The following TEAD4 variants were observed in gnomAD, a reference collection of about 807,000 sequenced individuals.
TEAD4 encodes TEA domain transcription factor 4.
Under a neutral mutation model 52.4 loss-of-function variants are expected in TEAD4, and 36 were observed. That is an observed-to-expected ratio of 0.69 (90% CI 0.53 to 0.91). The LOEUF (loss-of-function observed/expected upper bound fraction) is 0.91. Among genes scored for constraint, TEAD4 ranks in the 40% least tolerant of loss-of-function variants. The pLI, the probability that TEAD4 is intolerant of heterozygous loss-of-function variation, is 0.00. For missense variants in TEAD4, 508 were observed against 583.9 expected, an observed-to-expected ratio of 0.87 and a Z score of 1.34; for synonymous variants, 220 against 231.0, an observed-to-expected ratio of 0.95 and a Z score of 0.43.
chr12:3,025,588 G>C (rs1020515445), intron 10 of TEAD4, among the ~76,000 whole-genome samples: 3 of 151,940 alleles, frequency 2.0e-5, no homozygotes, highest in African/African-American at 7.3e-5. Flanking sequence ...CTAGGCTGGA[G>C]TGCAGTGGCG....
intron 2 of TEAD4, among the ~76,000 whole-genome samples, chr12:2,969,353 C>T (rs1031646776): frequency 2.0e-5 from 3 of 152,252 alleles, no homozygotes; most frequent in Non-Finnish European, 2.9e-5. Context: ...TGTGCAAACA[C>T]TGTACCGTTT....
rs1388295592 is a variant in TEAD4, at chr12:2,974,688, C to T, written c.-30+14648C>T. Among the ~76,000 whole-genome samples, 4 of 152,094 alleles carry T rather than the reference C, an allele frequency of 2.6e-5. No individual in the cohort carries two copies. The East Asian group carries it at 7.7e-4, about 29-fold the overall frequency. On this transcript the variant is annotated intron_variant, in intron 2 of 12. Coordinates refer to ENST00000359864, the MANE Select transcript of TEAD4 (RefSeq NM_003213.4). Reference sequence around the variant, plus strand: ...AAGGCATTCCCCGGTGTGGAGACTCCCTCTTCTGCCTGGCTCCTCCTTCTC... The same window carrying T: ...AAGGCATTCCCCGGTGTGGAGACTCTCTCTTCTGCCTGGCTCCTCCTTCTC...
In TEAD4 at chr12:2,992,016, C is replaced by CTTTTT. The variant is rs372782883; in HGVS notation, c.-29-2706_-29-2702dup. Among the ~76,000 whole-genome samples, 34 of 107,644 alleles carry CTTTTT rather than the reference C, an allele frequency of 3.2e-4. 1 individual carries two copies. The highest frequency in any genetic ancestry group is 4.3e-4 in the Non-Finnish European group (24 of 55,826). 70.6% of individuals were successfully genotyped at this position (107,644 alleles called of 152,430 possible). ...TGGGGGTTGGGGGGGGCGGTTCCTG[C>CTTTTT]TTTTTTTTTTTTTTTTTTTTGAGGC... On this transcript the variant is annotated intron_variant, in intron 2 of 12. Coordinates refer to ENST00000359864, the MANE Select transcript of TEAD4 (RefSeq NM_003213.4).
intron 10 of TEAD4, among the ~76,000 whole-genome samples, chr12:3,034,032 G>A (rs976128673): frequency 5.3e-5 from 8 of 151,380 alleles, no homozygotes; most frequent in Non-Finnish European, 1.0e-4. Flanking sequence ...CTGATTGTGG[G>A]ATCTCTCTTT....
At chr12:2,968,303 C>T (rs1477156776) in intron 2 of TEAD4, among the ~76,000 whole-genome samples, 2 of 149,592 alleles carry the variant, frequency 1.3e-5, no homozygotes, top group Non-Finnish European at 1.5e-5. Context: ...CCAGGCTGGT[C>T]TCGAACTCCC....
intron 2 of TEAD4, among the ~76,000 whole-genome samples, chr12:2,971,621 A>G (rs910623932): frequency 1.5e-4 from 23 of 148,504 alleles, no homozygotes; most frequent in South Asian, 4.3e-4. Context: ...GACTACAGGC[A>G]CCCCCCACCA....
intron 3 of TEAD4, among the ~76,000 whole-genome samples, chr12:3,002,058 C>G (rs1005662872): frequency 1.3e-5 from 2 of 152,190 alleles, no homozygotes; most frequent in African/African-American, 4.8e-5. Flanking sequence ...TGCCACTGCA[C>G]TCCATCCTGG....
intron 5 of TEAD4, among the ~76,000 whole-genome samples, chr12:3,016,151 T>G (rs755907275): frequency 6.6e-6 from 1 of 152,158 alleles, no homozygotes; most frequent in Non-Finnish European, 1.5e-5. Flanking sequence ...CCTCAGCTCC[T>G]TGAGTAGCTT....
intron 10 of TEAD4, among the ~76,000 whole-genome samples, chr12:3,023,865 GGTA>G (rs1390782276): frequency 1.3e-5 from 2 of 151,076 alleles, no homozygotes; most frequent in Admixed American, 1.3e-4. Flanking sequence ...AATCCCCAAA[GGTA>G]GTCACTGCAA....
intron 2 of TEAD4, among the ~76,000 whole-genome samples, chr12:2,962,317 TATATATATAAATATAA>T (rs1467496014): frequency 1.9e-5 from 2 of 102,568 alleles, no homozygotes; most frequent in African/African-American, 9.4e-5. Context: ...AATATATAAA[TATATATATAAATATAA>T]ATATATATAT....
Position 3,012,197 on chromosome 12 carries a change from C to A in TEAD4, c.319C>A (p.Arg107Ser). 6.2e-7 allele frequency: 1 copy of A among 1,614,082 alleles called. No individual in the cohort carries two copies. Among genetic ancestry groups the A allele is most frequent in the Non-Finnish European group, 8.5e-7 (1 of 1,179,990 alleles). Residue 107 changes from arginine (R) to serine (S), a missense_variant, in exon 5 of 13, where the codon CGT becomes AGT. Transcript: ENST00000359864. ...CTCCAGCCACATCCAGGTGCTGGCT[C>A]GTCGCAAAGCTCGCGAGATCCAGGC...
intron 5 of TEAD4, chr12:3,017,050 T>C (rs1229578495): frequency 2.1e-6 from 1 of 472,326 alleles, no homozygotes. Flanking sequence ...TATTCATGCA[T>C]CGTTTTCACA....
intron 10 of TEAD4, among the ~76,000 whole-genome samples, chr12:3,035,657 A>C (rs945333156): frequency 6.6e-6 from 1 of 152,062 alleles, no homozygotes; most frequent in African/African-American, 2.4e-5. Flanking sequence ...CTGCCTCTAC[A>C]AAAAATTTAA....
intron 3 of TEAD4, among the ~76,000 whole-genome samples, chr12:3,007,177 G>A (rs561458096): frequency 1.7e-4 from 26 of 152,320 alleles, no homozygotes; most frequent in African/African-American, 5.8e-4. Context: ...GGGTAGTTGT[G>A]GGGTGGTGGG....
At chr12:3,033,480 A>C (rs10848768) in intron 10 of TEAD4, among the ~76,000 whole-genome samples, 97,922 of 152,042 alleles carry the variant, frequency 0.64, 34,771 homozygotes, top group East Asian at 0.94. Context: ...GCCGCTCTGC[A>C]CATTGGAAAT....
intron 3 of TEAD4, among the ~76,000 whole-genome samples, chr12:2,997,160 G>A (rs1465059749): frequency 6.6e-6 from 1 of 152,138 alleles, no homozygotes; most frequent in East Asian, 1.9e-4. Flanking sequence ...TTCCCTTAAG[G>A]CCCAAGCAGC....
intron 3 of TEAD4, among the ~76,000 whole-genome samples, chr12:3,003,957 C>T (rs569180754): frequency 3.6e-4 from 55 of 152,356 alleles, no homozygotes; most frequent in African/African-American, 1.3e-3. Context: ...TTCTCACTGC[C>T]ATGGCCCTTC....
Position 2,980,193 on chromosome 12 carries a change from G to A in TEAD4, c.-29-14545G>A, listed in dbSNP as rs529373486. Reference sequence around the variant, plus strand: ...ACATTGGAGGGCAGTTTTCTTCCCCGAGATTCTTTCCACACAAACCCTGGG... The same window carrying A: ...ACATTGGAGGGCAGTTTTCTTCCCCAAGATTCTTTCCACACAAACCCTGGG... On this transcript the variant is annotated intron_variant, in intron 2 of 12. Transcript: ENST00000359864. 5.9e-5 allele frequency among the ~76,000 whole-genome samples: 9 copies of A among 152,214 alleles called. No homozygotes were observed. The South Asian group carries it at 6.2e-4, about 11-fold the overall frequency.
intron 2 of TEAD4, among the ~76,000 whole-genome samples, chr12:2,968,811 G>A (rs2098222739): frequency 6.6e-6 from 1 of 151,982 alleles, no homozygotes; most frequent in East Asian, 1.9e-4. Flanking sequence ...ACCATGCCCT[G>A]CCAATTTTTA....
Sources: allele counts gnomAD v4.1 joint callset (sites outside exome capture counted in the v4.1 genomes callset), GRCh38; gene constraint gnomAD v4.1.1; transcripts MANE v1.5; gene names NCBI Gene and HGNC (gene_info 2026-07-23, HGNC 2026-07-21).